The following ATRN variants were observed in gnomAD, a reference collection of about 807,000 sequenced individuals.
ATRN encodes the protein attractin.
A neutral mutation model predicts 178.7 loss-of-function variants in ATRN; 54 were observed. The observed-to-expected ratio is 0.30, with a 90% confidence interval of 0.24 to 0.38. The LOEUF (loss-of-function observed/expected upper bound fraction) is 0.38. Ranked by LOEUF, ATRN falls within the 10% of genes least tolerant of loss-of-function variation. The pLI is 1.00. For missense variants in ATRN, 1,443 were observed against 1,815.1 expected, an observed-to-expected ratio of 0.79 and a Z score of 3.73; for synonymous variants, 636 against 663.0, an observed-to-expected ratio of 0.96 and a Z score of 0.63.
At chr20:3,620,683 G>A (rs2086890431) in intron 24 of ATRN, among the ~76,000 whole-genome samples, 1 of 152,228 alleles carries the variant, frequency 6.6e-6, no homozygotes. Flanking sequence ...GCTATCCAGA[G>A]TTTGAGAGCC....
intron 1 of ATRN, among the ~76,000 whole-genome samples, chr20:3,487,115 T>A (rs896756157): frequency 2.0e-5 from 3 of 152,232 alleles, no homozygotes; most frequent in Non-Finnish European, 2.9e-5. Context: ...AAATTTTCAT[T>A]TTCAGTGACT....
Position 3,520,113 on chromosome 20 carries a change from A to G in ATRN, c.411-15140A>G, listed in dbSNP as rs1382620526. 5.3e-5 allele frequency among the ~76,000 whole-genome samples: 8 copies of G among 152,344 alleles called. No homozygotes were observed. In the East Asian group the frequency reaches 7.7e-4, roughly 15 times the overall value. ...ATGGATGAGGTTGGGCTGGGAATAT[A>G]TAAGTGCTACATTAGACCTCTTTAA... On this transcript the variant is annotated intron_variant, in intron 1 of 28. Coordinates refer to ENST00000262919, the MANE Select transcript of ATRN (RefSeq NM_139321.3).
Position 3,646,868 on chromosome 20 carries a change from C to CCACG in ATRN, c.*26_*29dup. The CCACG allele has an allele frequency of 6.2e-7, 1 of 1,612,244 alleles. No individual in the cohort carries two copies. Among genetic ancestry groups the CCACG allele is most frequent in the Non-Finnish European group, 8.5e-7 (1 of 1,179,298 alleles). ...TCTGATGCTGGGGCCAGGGACTCTC[C>CCACG]CACGCACGAGCTAGTGAGTGGCACA... On this transcript the variant is annotated 3_prime_UTR_variant, in exon 29 of 29. Transcript: ENST00000262919.
chr20:3,576,481 A>G (rs2086210808), intron 13 of ATRN, among the ~76,000 whole-genome samples: 1 of 152,100 alleles, frequency 6.6e-6, no homozygotes, highest in Non-Finnish European at 1.5e-5. Context: ...CATACAGTTC[A>G]TAAAATAGAA....
At chr20:3,588,957 A>C (rs780859802) in intron 18 of ATRN, among the ~76,000 whole-genome samples, 5 of 148,294 alleles carry the variant, frequency 3.4e-5, no homozygotes, top group African/African-American at 1.2e-4. Flanking sequence ...ATTTGTTAAC[A>C]TACAGTTCGT....
At chr20:3,513,871 C>T (rs1188286263) in intron 1 of ATRN, among the ~76,000 whole-genome samples, 3 of 152,128 alleles carry the variant, frequency 2.0e-5, no homozygotes, top group Non-Finnish European at 4.4e-5. Context: ...AATGGGAGTT[C>T]ACTCATGATT....
intron 1 of ATRN, among the ~76,000 whole-genome samples, chr20:3,501,835 C>T (rs1360964504): frequency 6.6e-6 from 1 of 152,062 alleles, no homozygotes; most frequent in Non-Finnish European, 1.5e-5. Flanking sequence ...TATGCAGCAT[C>T]GGGGGACACA....
At chr20:3,500,945 A>G (rs536198311) in intron 1 of ATRN, among the ~76,000 whole-genome samples, 7 of 152,250 alleles carry the variant, frequency 4.6e-5, no homozygotes, top group Non-Finnish European at 1.0e-4. Flanking sequence ...ATTTACATTT[A>G]GTTATATATA....
intron 1 of ATRN, among the ~76,000 whole-genome samples, chr20:3,511,315 C>A (rs1288797558): frequency 6.6e-6 from 1 of 151,990 alleles, no homozygotes; most frequent in Non-Finnish European, 1.5e-5. Flanking sequence ...TAAAACTGAT[C>A]AACTGCTGGA....
At chr20:3,494,983 G>A (rs2084858707) in intron 1 of ATRN, among the ~76,000 whole-genome samples, 1 of 152,136 alleles carries the variant, frequency 6.6e-6, no homozygotes, top group African/African-American at 2.4e-5. Flanking sequence ...CCTTGTGGAT[G>A]GGTATAGTAG....
intron 1 of ATRN, among the ~76,000 whole-genome samples, chr20:3,475,869 G>A (rs2084521680): frequency 6.6e-6 from 1 of 152,208 alleles, no homozygotes. Context: ...TAGTGGGTGG[G>A]TGTAGTAGCT....
chr20:3,476,814 T>G (rs950829817), intron 1 of ATRN, among the ~76,000 whole-genome samples: 1 of 152,230 alleles, frequency 6.6e-6, no homozygotes, highest in Non-Finnish European at 1.5e-5. Flanking sequence ...GAGCCGAGAT[T>G]GTGCCATTGC....
At chr20:3,503,963 G>A (rs1342843627) in intron 1 of ATRN, among the ~76,000 whole-genome samples, 1 of 152,148 alleles carries the variant, frequency 6.6e-6, no homozygotes, top group Non-Finnish European at 1.5e-5. Flanking sequence ...AGCAGCCAGA[G>A]AGAAATGATG....
In ATRN at chr20:3,650,075, A is replaced by G. The variant is rs1289837214; in HGVS notation, c.*3228A>G. Reference sequence around the variant, plus strand: ...GTCCTGGACAGAAGACTGTCAGCAGAAGGAAAGTACTGGACTACCCGTGGG... The same window carrying G: ...GTCCTGGACAGAAGACTGTCAGCAGGAGGAAAGTACTGGACTACCCGTGGG... On this transcript the variant is annotated 3_prime_UTR_variant, in exon 29 of 29. Coordinates refer to ENST00000262919, the MANE Select transcript of ATRN (RefSeq NM_139321.3). The G allele has an allele frequency of 6.6e-6, 1 of 152,252 alleles. No individual in the cohort carries two copies. Among genetic ancestry groups the G allele is most frequent in the Non-Finnish European group, 1.5e-5 (1 of 68,062 alleles). The allele number at this position is 152,252 out of a possible 1,614,324, so 9.4% of individuals were successfully genotyped here.
At chr20:3,572,652 TAAAA>T (rs11475024) in intron 11 of ATRN, 75 bp from the exon 12 acceptor site, 369 of 1,034,414 alleles carry the variant, frequency 3.6e-4, no homozygotes, top group Middle Eastern at 9.2e-4. Context: ...CCCTGTCTCT[TAAAA>T]AAAAAAAAAA....
chr20:3,631,677 G>A (rs2146321099), intron 25 of ATRN, among the ~76,000 whole-genome samples: 1 of 152,304 alleles, frequency 6.6e-6, no homozygotes, highest in African/African-American at 2.4e-5. Flanking sequence ...ATAGAGGGAA[G>A]CAGGCACAGA....
intron 1 of ATRN, among the ~76,000 whole-genome samples, chr20:3,530,926 C>A (rs2085445704): frequency 6.6e-6 from 1 of 152,122 alleles, no homozygotes; most frequent in African/African-American, 2.4e-5. Context: ...TGCAGAATTA[C>A]CTCAGTATTC....
At chr20:3,560,048 A>G (rs1381858395) in intron 7 of ATRN, among the ~76,000 whole-genome samples, 1 of 151,948 alleles carries the variant, frequency 6.6e-6, no homozygotes, top group African/African-American at 2.4e-5. Flanking sequence ...TTTTTTACTG[A>G]GGTAAAATAT....
intron 26 of ATRN, among the ~76,000 whole-genome samples, chr20:3,634,690 T>G (rs905994502): frequency 1.3e-5 from 2 of 152,222 alleles, no homozygotes; most frequent in African/African-American, 4.8e-5. Context: ...AAGTCCTGAC[T>G]GAGGCCAGAG....
Sources: allele counts gnomAD v4.1 joint callset (sites outside exome capture counted in the v4.1 genomes callset), GRCh38; gene constraint gnomAD v4.1.1; transcripts MANE v1.5; gene names NCBI Gene and HGNC (gene_info 2026-07-23, HGNC 2026-07-21).